Variants in ADGRL3 observed in about 807,000 individuals in gnomAD.
The protein encoded by ADGRL3 is calcium-independent alpha-latrotoxin receptor 3.
A neutral mutation model predicts 153.5 loss-of-function variants in ADGRL3; 62 were observed. The ratio of observed to expected loss-of-function variants is 0.40; its 90% confidence interval spans 0.33 to 0.50. The LOEUF (loss-of-function observed/expected upper bound fraction) is 0.50, where lower values mean the gene tolerates loss of function less well. Among genes scored for constraint, ADGRL3 ranks in the 20% least tolerant of loss-of-function variants. The pLI is 0.47. For missense variants in ADGRL3, 1,641 were observed against 1,859.4 expected, an observed-to-expected ratio of 0.88 and a Z score of 2.16; for synonymous variants, 710 against 672.5, an observed-to-expected ratio of 1.06 and a Z score of -0.86.
At chr4:61,631,920 C>T (rs1313115822) in intron 5 of ADGRL3, among the ~76,000 whole-genome samples, 1 of 152,194 alleles carries the variant, frequency 6.6e-6, no homozygotes, top group East Asian at 1.9e-4. Context: ...AGCCACCACA[C>T]CTGGCCGCTG....
rs1331933537 is a variant in ADGRL3 at position 61,934,826 on chromosome 4, T to C, written c.2113-14T>C. On this transcript the variant is annotated splice_polypyrimidine_tract_variant and intron_variant, in intron 13 of 26. Transcript: ENST00000683033. The stretch of plus-strand genomic sequence containing the variant: ...TCACTAGAGACCTCTGTCATTCTTT[T>C]CATCCTCTTGTAGGCAATGGTCGAG... 1.9e-6 allele frequency: 3 copies of C among 1,610,046 alleles called. No homozygotes were observed. Among genetic ancestry groups the C allele is most frequent in the Non-Finnish European group, 2.5e-6 (3 of 1,177,420 alleles).
At chr4:61,936,159 C>G (rs1189875811) in intron 15 of ADGRL3, 114 bp downstream of exon 15, 1 of 1,114,280 alleles carries the variant, frequency 9.0e-7, no homozygotes, top group African/African-American at 1.6e-5. Flanking sequence ...CTTCCTCTTC[C>G]TACACTATTC....
intron 9 of ADGRL3, among the ~76,000 whole-genome samples, chr4:61,837,462 GT>G: frequency 6.6e-6 from 1 of 152,204 alleles, no homozygotes. Context: ...AGACAAATGG[GT>G]TTTTAGGAGA....
intron 2 of ADGRL3, among the ~76,000 whole-genome samples, chr4:61,492,381 C>T (rs335296): frequency 6.6e-6 from 1 of 151,964 alleles, no homozygotes; most frequent in Non-Finnish European, 1.5e-5. Flanking sequence ...AAGGTACAAT[C>T]ATATTCAGTA....
chr4:61,700,580 A>T (rs1435368199), intron 6 of ADGRL3, among the ~76,000 whole-genome samples: 1 of 152,162 alleles, frequency 6.6e-6, no homozygotes, highest in Non-Finnish European at 1.5e-5. Context: ...TGATGGTAAT[A>T]GGAACAAATG....
At chr4:61,439,108 G>A (rs2097495608) in intron 2 of ADGRL3, among the ~76,000 whole-genome samples, 1 of 152,132 alleles carries the variant, frequency 6.6e-6, no homozygotes, top group East Asian at 1.9e-4. Flanking sequence ...CAAAACCAAG[G>A]CACTCATGAA....
intron 1 of ADGRL3, among the ~76,000 whole-genome samples, chr4:61,352,399 T>G (rs1295496988): frequency 6.6e-6 from 1 of 152,244 alleles, no homozygotes; most frequent in Admixed American, 6.5e-5. Flanking sequence ...ATAACCTTTT[T>G]TTTTTTTGAG....
At chr4:61,772,971 T>G (rs950656145) in intron 8 of ADGRL3, among the ~76,000 whole-genome samples, 1 of 152,188 alleles carries the variant, frequency 6.6e-6, no homozygotes, top group African/African-American at 2.4e-5. Context: ...ACATACCTGG[T>G]ATATTGGAAA....
At chr4:62,024,362 G>A (rs1195419115) in intron 21 of ADGRL3, among the ~76,000 whole-genome samples, 1 of 151,992 alleles carries the variant, frequency 6.6e-6, no homozygotes, top group Non-Finnish European at 1.5e-5. Context: ...TGTTTGTGAT[G>A]TATTCTAAAC....
At chr4:61,299,444 A>G (rs1017205251) in intron 1 of ADGRL3, among the ~76,000 whole-genome samples, 2 of 152,214 alleles carry the variant, frequency 1.3e-5, no homozygotes, top group Admixed American at 6.5e-5. Context: ...CTAAAAATAA[A>G]GAAAATGAGA....
At chr4:62,055,103 G>A (rs1234377024) in intron 25 of ADGRL3, among the ~76,000 whole-genome samples, 1 of 151,824 alleles carries the variant, frequency 6.6e-6, no homozygotes, top group African/African-American at 2.4e-5. Context: ...CCAGCAATTT[G>A]ACTTTTAAGT....
rs753220071 is a variant in ADGRL3 at position 61,912,801 on chromosome 4, T to G, written c.2112+44T>G. 8.3e-6 allele frequency: 13 copies of G among 1,560,308 alleles called. No homozygotes were observed. The South Asian group carries it at 1.4e-4, about 17-fold the overall frequency. ...TAAATGTGTTAAGTTGTTGAATGTC[T>G]CTGTTGTGATGGCATGAATGGACAC... On this transcript the variant is annotated intron_variant, in intron 13 of 26. Transcript: ENST00000683033.
At chr4:61,291,862 C>T (rs1177380303) in intron 1 of ADGRL3, among the ~76,000 whole-genome samples, 1 of 145,174 alleles carries the variant, frequency 6.9e-6, no homozygotes, top group Non-Finnish European at 1.5e-5. Context: ...TATTTTGTTT[C>T]TGTTACATCT....
intron 17 of ADGRL3, among the ~76,000 whole-genome samples, chr4:61,970,816 C>A (rs2099024308): frequency 1.3e-5 from 2 of 152,126 alleles, no homozygotes; most frequent in African/African-American, 4.8e-5. Context: ...CAAAGGAAAT[C>A]CTAATTTCTT....
At chr4:61,622,650 C>A (rs2092595404) in intron 5 of ADGRL3, among the ~76,000 whole-genome samples, 2 of 152,138 alleles carry the variant, frequency 1.3e-5, no homozygotes, top group African/African-American at 4.8e-5. Context: ...GCTAGGCATT[C>A]TGGTGTGCAC....
chr4:62,063,135 T>G (rs144951178), intron 25 of ADGRL3, among the ~76,000 whole-genome samples: 1 of 152,118 alleles, frequency 6.6e-6, no homozygotes, highest in Non-Finnish European at 1.5e-5. Flanking sequence ...TTTAAACTTT[T>G]TTTTGGCTTT....
At chr4:61,446,668 A>T (rs541259127) in intron 2 of ADGRL3, among the ~76,000 whole-genome samples, 49 of 152,188 alleles carry the variant, frequency 3.2e-4, no homozygotes, top group Non-Finnish European at 5.9e-4. Context: ...ATTTGACCTT[A>T]GCAGTTTGTA....
intron 2 of ADGRL3, among the ~76,000 whole-genome samples, chr4:61,488,367 A>T (rs1378683532): frequency 2.0e-5 from 3 of 152,042 alleles, no homozygotes; most frequent in Non-Finnish European, 2.9e-5. Flanking sequence ...AGTGTTTCAG[A>T]TGATGTGTTG....
At chr4:61,259,825 T>C (rs1163021239) in intron 1 of ADGRL3, among the ~76,000 whole-genome samples, 2 of 152,188 alleles carry the variant, frequency 1.3e-5, no homozygotes, top group Non-Finnish European at 2.9e-5. Flanking sequence ...GGCAAATCAG[T>C]GCAGACTCAA....
Sources: gnomAD v4.1 joint callset for allele counts (sites outside exome capture counted in the v4.1 genomes callset) on GRCh38, gnomAD v4.1.1 for gene constraint, MANE v1.5 for transcripts, NCBI Gene and HGNC (gene_info 2026-07-23, HGNC 2026-07-21) for gene names.